SLC35F4: variants seen among roughly 807,000 people sequenced by gnomAD.
SLC35F4 encodes the protein chromosome 14 open reading frame 36.
Under a neutral mutation model 44.2 loss-of-function variants are expected in SLC35F4, and 24 were observed. That is an observed-to-expected ratio of 0.54 (90% CI 0.39 to 0.76). The LOEUF is 0.76. Ranked by LOEUF, SLC35F4 falls within the 30% of genes least tolerant of loss-of-function variation. The pLI is 0.00. For synonymous variants in SLC35F4, 238 were observed against 223.6 expected, an observed-to-expected ratio of 1.06 and a Z score of -0.57; for missense variants, 562 against 586.1, an observed-to-expected ratio of 0.96 and a Z score of 0.42.
intron 1 of SLC35F4, among the ~76,000 whole-genome samples, chr14:57,833,999 C>T (rs957492426): frequency 3.3e-5 from 5 of 152,162 alleles, no homozygotes; most frequent in African/African-American, 4.8e-5. Flanking sequence ...ATTTACAAAA[C>T]CTTGTGCTGA....
In SLC35F4 at chr14:57,777,622, C is replaced by T. The variant is rs61042194; in HGVS notation, c.103+88101G>A. ...GCAGGGAACATCACAAACAGAGAGG[C>T]CTGTCGCGGGGGTGAGGGGCTGGGG... On this transcript the variant is annotated intron_variant, in intron 1 of 7. Coordinates refer to ENST00000556826, the MANE Select transcript of SLC35F4 (RefSeq NM_001306087.2). 0.013 allele frequency among the ~76,000 whole-genome samples: 2,038 copies of T among 151,722 alleles called. 245 individuals carry two copies. The East Asian group carries it at 0.31, about 23-fold the overall frequency.
chr14:57,613,940 C>T (rs2071658456), intron 1 of SLC35F4, among the ~76,000 whole-genome samples: 1 of 152,202 alleles, frequency 6.6e-6, no homozygotes, highest in South Asian at 2.1e-4. Flanking sequence ...ATTTGCAGAA[C>T]ATTATAACCC....
At chr14:57,569,352 C>T (rs926123220) in intron 6 of SLC35F4, among the ~76,000 whole-genome samples, 1 of 152,200 alleles carries the variant, frequency 6.6e-6, no homozygotes, top group Non-Finnish European at 1.5e-5. Flanking sequence ...TAGCATCTCC[C>T]TCCCTCCCTT....
chr14:57,661,471 A>G (rs2074134312), intron 1 of SLC35F4, among the ~76,000 whole-genome samples: 1 of 152,192 alleles, frequency 6.6e-6, no homozygotes, highest in South Asian at 2.1e-4. Context: ...TTTAGGTTCT[A>G]CTTCCATCTT....
intron 1 of SLC35F4, among the ~76,000 whole-genome samples, chr14:57,896,971 C>G (rs1251233622): frequency 6.6e-6 from 1 of 152,164 alleles, no homozygotes; most frequent in African/African-American, 2.4e-5. Context: ...AAACCCTGCT[C>G]TTCTTTCAGT....
At chr14:57,564,412 C>T in intron 7 of SLC35F4, 36 bp from the exon 8 acceptor site, 1 of 1,574,144 alleles carries the variant, frequency 6.4e-7, no homozygotes, top group Non-Finnish European at 8.6e-7. Flanking sequence ...ATTTCCTATG[C>T]CTGTTTCTAA....
At chr14:57,946,910 T>C (rs1166025197) in intron 1 of SLC35F4, among the ~76,000 whole-genome samples, 1 of 152,178 alleles carries the variant, frequency 6.6e-6, no homozygotes, top group Admixed American at 6.5e-5. Flanking sequence ...GTGTCCAGAT[T>C]TGGGTTTGTT....
At chr14:57,708,182 C>T (rs2075725630) in intron 1 of SLC35F4, among the ~76,000 whole-genome samples, 1 of 152,114 alleles carries the variant, frequency 6.6e-6, no homozygotes, top group South Asian at 2.1e-4. Flanking sequence ...TCAGCTGATG[C>T]CACCCACACC....
chr14:57,759,058 C>T (rs895763900), intron 1 of SLC35F4, among the ~76,000 whole-genome samples: 4 of 152,010 alleles, frequency 2.6e-5, no homozygotes, highest in East Asian at 1.9e-4. Context: ...TTATATATGT[C>T]GGGACTTGCT....
intron 1 of SLC35F4, among the ~76,000 whole-genome samples, chr14:57,723,077 C>G (rs1037590583): frequency 6.6e-6 from 1 of 152,186 alleles, no homozygotes; most frequent in Non-Finnish European, 1.5e-5. Flanking sequence ...TGGCTCTGAG[C>G]TGACATTGAT....
At chr14:57,596,730 T>C (rs762952471) in intron 1 of SLC35F4, 3 of 1,284,572 alleles carry the variant, frequency 2.3e-6, no homozygotes, top group South Asian at 2.3e-5. Context: ...GTGTTGAATG[T>C]ATAAGCCACA....
intron 1 of SLC35F4, among the ~76,000 whole-genome samples, chr14:57,944,732 AAAGAAAGAAAGAAAGAAAG>A (rs1434789523): frequency 1.1e-4 from 15 of 140,456 alleles, no homozygotes; most frequent in African/African-American, 3.9e-4. Context: ...AGAAAGAAAG[AAAGAAAGAAAGAAAGAAAG>A]AAGAAAGGAA....
At chr14:57,757,169 C>T (rs1476924386) in intron 1 of SLC35F4, among the ~76,000 whole-genome samples, 2 of 152,106 alleles carry the variant, frequency 1.3e-5, no homozygotes, top group Non-Finnish European at 2.9e-5. Flanking sequence ...TCTGGTGTTA[C>T]TCTTTGCGCT....
chr14:57,591,857 C>T (rs1335610295), intron 2 of SLC35F4, among the ~76,000 whole-genome samples: 3 of 152,222 alleles, frequency 2.0e-5, no homozygotes, highest in Non-Finnish European at 4.4e-5. Flanking sequence ...AATAACTCTA[C>T]AAAGATTCTG....
At chr14:57,972,380 T>C (rs909688002), downstream of SLC35F4, among the ~76,000 whole-genome samples, 2 of 152,006 alleles carry the variant, frequency 1.3e-5, no homozygotes, top group Admixed American at 6.6e-5. Context: ...CAGGTGGAGA[T>C]ACTGGTGACC....
intron 1 of SLC35F4, among the ~76,000 whole-genome samples, chr14:57,773,541 G>A (rs1393755813): frequency 1.3e-5 from 2 of 152,052 alleles, no homozygotes. Context: ...ATATTTTATT[G>A]GGAAAATTAG....
chr14:57,930,842 C>G (rs770887259), intron 1 of SLC35F4, among the ~76,000 whole-genome samples: 3 of 152,056 alleles, frequency 2.0e-5, no homozygotes, highest in Non-Finnish European at 4.4e-5. Context: ...ACCACCTAAT[C>G]GTATAATTCC....
In SLC35F4 at chr14:57,914,651, T is replaced by C. The variant is rs76814551; in HGVS notation, n.282+67262A>G. Among the ~76,000 whole-genome samples, 782 of 152,306 alleles carry C rather than the reference T, an allele frequency of 5.1e-3. 8 individuals are homozygous for C. The highest frequency in any genetic ancestry group is 0.018 in the African/African-American group (751 of 41,570). On this transcript the variant is annotated intron_variant and non_coding_transcript_variant, in intron 1 of 1. Transcript: ENST00000556568. ...AATCCATTCAGGAAGGAATCTCTTT[T>C]TAAAGATCCTGCCCCTCAGCACTAT... is the stretch of plus-strand genomic sequence containing the variant.
chr14:57,723,526 C>G (rs1038929301), intron 1 of SLC35F4, among the ~76,000 whole-genome samples: 1 of 152,192 alleles, frequency 6.6e-6, no homozygotes, highest in Non-Finnish European at 1.5e-5. Context: ...GTAGGCTTAA[C>G]CAAGTGGTGA....
Sources: allele counts gnomAD v4.1 joint callset (sites outside exome capture counted in the v4.1 genomes callset), GRCh38; gene constraint gnomAD v4.1.1; transcripts MANE v1.5; gene names NCBI Gene and HGNC (gene_info 2026-07-23, HGNC 2026-07-21).